Variants in LPP observed in about 807,000 individuals in gnomAD.
The protein encoded by LPP is lipoma-preferred partner.
A neutral mutation model predicts 60.4 loss-of-function variants in LPP; 38 were observed. The ratio of observed to expected loss-of-function variants is 0.63; its 90% CI spans 0.49 to 0.83. The LOEUF (loss-of-function observed/expected upper bound fraction) is 0.83, where lower values mean the gene tolerates loss of function less well. Among genes scored for constraint, LPP ranks in the 40% least tolerant of loss-of-function variants. The pLI, the probability that LPP is intolerant of heterozygous loss-of-function variation, is 0.00. For synonymous variants in LPP, 328 were observed against 290.8 expected (o/e 1.13, Z -1.30); for missense variants, 902 against 783.6 (o/e 1.15, Z -1.80).
At chr3:188,290,993 A>G (rs963868282) in intron 2 of LPP, among the ~76,000 whole-genome samples, 1 of 152,230 alleles carries the variant, frequency 6.6e-6, no homozygotes, top group Non-Finnish European at 1.5e-5. Context: ...TTTCTGTAGC[A>G]TCAGAAGGAG....
At chr3:188,653,323 G>C (rs1852467728) in intron 7 of LPP, among the ~76,000 whole-genome samples, 2 of 152,148 alleles carry the variant, frequency 1.3e-5, no homozygotes, top group Admixed American at 1.3e-4. Context: ...GGCTGTGTAA[G>C]TTTTTGTTAT....
At chr3:188,393,160 G>A (rs1282340934) in intron 3 of LPP, among the ~76,000 whole-genome samples, 1 of 151,520 alleles carries the variant, frequency 6.6e-6, no homozygotes, top group Non-Finnish European at 1.5e-5. Flanking sequence ...TATAATTGAA[G>A]TAAACACTCT....
chr3:188,825,422 C>G (rs1755199246), intron 9 of LPP, among the ~76,000 whole-genome samples: 1 of 151,860 alleles, frequency 6.6e-6, no homozygotes, highest in African/African-American at 2.4e-5. Context: ...TCTGAAAGCA[C>G]TAAGGTTAAC....
chr3:188,628,911 T>A (rs1211926083), intron 7 of LPP, among the ~76,000 whole-genome samples: 1 of 152,076 alleles, frequency 6.6e-6, no homozygotes. Context: ...TTCAACCCAA[T>A]CAAATAGGCT....
chr3:188,825,479 A>G (rs1755216412), intron 9 of LPP, among the ~76,000 whole-genome samples: 1 of 152,016 alleles, frequency 6.6e-6, no homozygotes, highest in Non-Finnish European at 1.5e-5. Flanking sequence ...GAAGGGTTCA[A>G]CCCAGGGGGC....
At chr3:188,216,592 GT>G (rs1308835345) in intron 1 of LPP, among the ~76,000 whole-genome samples, 1 of 152,110 alleles carries the variant, frequency 6.6e-6, no homozygotes, top group African/African-American at 2.4e-5. Context: ...ATAATGCAAT[GT>G]TTCATCTGGG....
intron 3 of LPP, among the ~76,000 whole-genome samples, chr3:188,405,879 C>CTCTT (rs72210157): frequency 0.15 from 1,299 of 8,828 alleles, 64 homozygotes; most frequent in East Asian, 0.52. Flanking sequence ...CCTCCTCTTT[C>CTCTT]TCTTTCTTTC....
At chr3:188,602,166 T>TATATATATA (rs1841422864) in intron 6 of LPP, among the ~76,000 whole-genome samples, 1 of 126,444 alleles carries the variant, frequency 7.9e-6, no homozygotes. Flanking sequence ...ATATATATAA[T>TATATATATA]ATATATATAT....
chr3:188,334,428 T>C (rs200745698), intron 2 of LPP, among the ~76,000 whole-genome samples: 2 of 145,090 alleles, frequency 1.4e-5, no homozygotes, highest in African/African-American at 2.5e-5. Context: ...CTTTCTTTTT[T>C]TTTTTTTTTT....
At chr3:188,153,120 A>C (rs767379899), upstream of LPP, 2 of 152,236 alleles carry the variant, frequency 1.3e-5, no homozygotes, top group African/African-American at 2.4e-5. Flanking sequence ...GGCCAAGAGC[A>C]GTAGAAATCA....
At chr3:188,159,617 A>C (rs1277571662) in intron 1 of LPP, among the ~76,000 whole-genome samples, 1 of 152,206 alleles carries the variant, frequency 6.6e-6, no homozygotes, top group African/African-American at 2.4e-5. Context: ...CTTGATGAAG[A>C]GAGGGAGTAA....
chr3:188,639,414 T>C (rs1286980668), intron 7 of LPP, among the ~76,000 whole-genome samples: 2 of 151,538 alleles, frequency 1.3e-5, no homozygotes, highest in Non-Finnish European at 2.9e-5. Flanking sequence ...ATAAAAACCC[T>C]AGAAGAAAAC....
At chr3:188,670,688 T>G (rs1027210754) in intron 7 of LPP, among the ~76,000 whole-genome samples, 24 of 152,196 alleles carry the variant, frequency 1.6e-4, no homozygotes, top group Admixed American at 1.6e-3. Flanking sequence ...ATTAAACTCA[T>G]GTGGTTGGTG....
chr3:188,570,145 A>G (rs368701478), intron 6 of LPP, among the ~76,000 whole-genome samples: 3 of 151,938 alleles, frequency 2.0e-5, no homozygotes, highest in South Asian at 4.2e-4. Flanking sequence ...TCATAATTTG[A>G]TGCAGAGAAG....
chr3:188,772,819 G>T (rs1482883493), intron 9 of LPP, among the ~76,000 whole-genome samples: 10 of 151,970 alleles, frequency 6.6e-5, no homozygotes, highest in Non-Finnish European at 1.0e-4. Context: ...AGGGGGATTT[G>T]GGGGGAGCCT....
chr3:188,299,541 C>T (rs548164078), intron 2 of LPP, among the ~76,000 whole-genome samples: 4 of 152,156 alleles, frequency 2.6e-5, no homozygotes, highest in Admixed American at 6.5e-5. Context: ...GGACAAGTCC[C>T]GTTAGGATAA....
intron 4 of LPP, among the ~76,000 whole-genome samples, chr3:188,444,402 G>A (rs1425636191): frequency 1.3e-5 from 2 of 152,108 alleles, no homozygotes; most frequent in Non-Finnish European, 2.9e-5. Context: ...GAAAGAAAAA[G>A]TTATGCCCGA....
intron 6 of LPP, among the ~76,000 whole-genome samples, chr3:188,567,649 A>G (rs932480771): frequency 6.6e-6 from 1 of 151,900 alleles, no homozygotes; most frequent in Non-Finnish European, 1.5e-5. Flanking sequence ...TTTGTCTCCA[A>G]TTTCACTGGC....
chr3:188,291,387 C>T (rs926458240), intron 2 of LPP, among the ~76,000 whole-genome samples: 5 of 152,096 alleles, frequency 3.3e-5, no homozygotes, highest in African/African-American at 1.2e-4. Flanking sequence ...CGCCTGTAAT[C>T]CCAGCACTTT....
Sources: gnomAD v4.1 joint callset for allele counts (sites outside exome capture counted in the v4.1 genomes callset) on GRCh38, gnomAD v4.1.1 for gene constraint, MANE v1.5 for transcripts, NCBI Gene and HGNC (gene_info 2026-07-23, HGNC 2026-07-21) for gene names.